The following SHANK2 variants were observed in gnomAD, a reference collection of about 807,000 sequenced individuals.
SHANK2 encodes the protein SH3 and multiple ankyrin repeat domains 2, also known as SH3 and multiple ankyrin repeat domains protein 2.
In SHANK2, 43 loss-of-function variants were observed where a neutral mutation model predicts 133.7. The observed-to-expected ratio is 0.32, with a 90% confidence interval of 0.25 to 0.41. SHANK2 has a LOEUF of 0.41. Ranked by LOEUF, SHANK2 falls within the 10% of genes least tolerant of loss-of-function variation. SHANK2 has a pLI of 1.00. For synonymous variants in SHANK2, 1,017 were observed against 952.8 expected (o/e 1.07, Z -1.24); for missense variants, 1,994 against 2,235.8 (o/e 0.89, Z 2.18).
Position 70,487,027 on chromosome 11 carries a change from C to T in SHANK2, c.3266G>A (p.Arg1089His), listed in dbSNP as rs781863842. 5 of 1,609,214 alleles carry T rather than the reference C, an allele frequency of 3.1e-6. No homozygotes were observed. The highest frequency in any genetic ancestry group is 4.2e-6 in the Non-Finnish European group (5 of 1,179,628). ...AAAIAGAVRD[R>H]EKRLEARRNS... ...CCTCCTGGCTTCCAGCCGCTTCTCA[C>T]GGTCGCGGACGGCTCCGGCGATGGC... Residue 1089 changes from arginine to histidine, a missense_variant, in exon 25 of 26, where the codon CGT (arginine) becomes CAT (histidine). Coordinates refer to ENST00000601538, the MANE Select transcript of SHANK2 (RefSeq NM_012309.5). This position sits in a 1 kb window ranked among gnomAD's most constrained non-coding sequence, Gnocchi z 5.8.
chr11:71,069,989 T>G (rs1565434690), intron 9 of SHANK2, among the ~76,000 whole-genome samples: 2 of 152,180 alleles, frequency 1.3e-5, no homozygotes, highest in Non-Finnish European at 2.9e-5. Flanking sequence ...CTCATACATG[T>G]GTAGACAAGG....
intron 17 of SHANK2, among the ~76,000 whole-genome samples, chr11:70,524,052 G>A (rs149261858): frequency 2.0e-5 from 3 of 152,318 alleles, no homozygotes; most frequent in Admixed American, 6.5e-5. Context: ...ACTGAGCACT[G>A]ACGACATGGC....
In SHANK2 at chr11:70,558,839, C is replaced by T. The variant is rs78317830; in HGVS notation, c.2062-55908G>A. 9.8e-3 allele frequency among the ~76,000 whole-genome samples: 1,496 copies of T among 152,272 alleles called. 32 individuals carry two copies. The highest frequency in any genetic ancestry group is 0.034 in the African/African-American group (1,400 of 41,544). Reference sequence around the variant, plus strand: ...AGGAGGGCTCCGGCTTCCTGGAGGACGTGAAAGAAAACAGCAGCACAGCTG... The same window carrying T: ...AGGAGGGCTCCGGCTTCCTGGAGGATGTGAAAGAAAACAGCAGCACAGCTG... On this transcript the variant is annotated intron_variant, in intron 17 of 25. Coordinates refer to ENST00000601538, the MANE Select transcript of SHANK2 (RefSeq NM_012309.5).
At chr11:70,879,315 C>T (rs1209965926) in intron 11 of SHANK2, among the ~76,000 whole-genome samples, 1 of 152,240 alleles carries the variant, frequency 6.6e-6, no homozygotes, top group Non-Finnish European at 1.5e-5. Flanking sequence ...GAAACCTTTC[C>T]TCTGTGCAAT....
chr11:71,067,119 C>T (rs960909357), intron 9 of SHANK2, among the ~76,000 whole-genome samples: 15 of 152,084 alleles, frequency 9.9e-5, no homozygotes, highest in Admixed American at 5.2e-4. Flanking sequence ...CGTGTGGACA[C>T]CGTCGCCATT....
At chr11:70,566,250 G>A (rs962402056) in intron 17 of SHANK2, 1 of 152,114 alleles carries the variant, frequency 6.6e-6, no homozygotes, top group African/African-American at 2.4e-5. Context: ...GATTTGGGTG[G>A]GGACAAAGCC....
intron 14 of SHANK2, among the ~76,000 whole-genome samples, chr11:70,703,314 C>T (rs782623536): frequency 3.3e-5 from 5 of 152,224 alleles, no homozygotes; most frequent in African/African-American, 1.2e-4. Context: ...GTGCAGCCTC[C>T]GGGGGTAGTA....
chr11:71,216,365 A>G (rs1555119884), intron 2 of SHANK2, among the ~76,000 whole-genome samples: 1 of 152,220 alleles, frequency 6.6e-6, no homozygotes, highest in African/African-American at 2.4e-5. Flanking sequence ...AGATGGACAC[A>G]AAGGTCATGT....
intron 17 of SHANK2, among the ~76,000 whole-genome samples, chr11:70,605,681 C>T (rs1237731718): frequency 3.3e-5 from 5 of 152,202 alleles, no homozygotes; most frequent in East Asian, 1.9e-4. Flanking sequence ...GGACGAGGAA[C>T]GCAGAGCTCA....
At chr11:71,064,620 G>A (rs1951025505) in intron 9 of SHANK2, among the ~76,000 whole-genome samples, 1 of 152,054 alleles carries the variant, frequency 6.6e-6, no homozygotes, top group Non-Finnish European at 1.5e-5. Context: ...CATAGTCCCA[G>A]GGAGAGACAG....
At chr11:70,497,098 TAG>T (rs1491431610) in intron 21 of SHANK2, 1 of 453,002 alleles carries the variant, frequency 2.2e-6, no homozygotes, top group Non-Finnish European at 4.4e-6. Flanking sequence ...GTTTTTAAGT[TAG>T]AGTTAGTGTA....
intron 2 of SHANK2, among the ~76,000 whole-genome samples, chr11:71,186,721 A>T (rs1327525847): frequency 6.6e-6 from 1 of 152,220 alleles, no homozygotes; most frequent in Non-Finnish European, 1.5e-5. Context: ...GACTTGGTTA[A>T]CTTTTCGGGT....
At chr11:70,836,371 C>T (rs2135414601) in intron 11 of SHANK2, among the ~76,000 whole-genome samples, 1 of 152,334 alleles carries the variant, frequency 6.6e-6, no homozygotes, top group African/African-American at 2.4e-5. Context: ...CCTGTCCGAG[C>T]CTGAGCCTGC....
At chr11:70,934,411 C>T (rs1950543920) in intron 10 of SHANK2, among the ~76,000 whole-genome samples, 1 of 152,130 alleles carries the variant, frequency 6.6e-6, no homozygotes, top group South Asian at 2.1e-4. Context: ...TCCTAAACAG[C>T]CCAGCCCCGC....
In SHANK2 at chr11:70,873,318, C is replaced by G. The variant is rs201594187; in HGVS notation, c.1174+23183G>C. ...GAGGGCAGGTGAGAGCTGACAAGGT[C>G]GAGACTTGCAGGGCTTCCAGGAATC... On this transcript the variant is annotated intron_variant, in intron 11 of 25. Coordinates refer to ENST00000601538, the MANE Select transcript of SHANK2 (RefSeq NM_012309.5). Among the ~76,000 whole-genome samples, 4 of 152,190 alleles carry G rather than the reference C, an allele frequency of 2.6e-5. No individual in the cohort carries two copies. In the East Asian group the frequency reaches 5.8e-4, roughly 22 times the overall value.
At chr11:70,602,230 G>A (rs1346389662) in intron 17 of SHANK2, among the ~76,000 whole-genome samples, 1 of 152,188 alleles carries the variant, frequency 6.6e-6, no homozygotes, top group Non-Finnish European at 1.5e-5. Context: ...CAGGCACCAT[G>A]CTTCTTGTAC....
At chr11:70,576,523 G>A (rs1320951462) in intron 17 of SHANK2, among the ~76,000 whole-genome samples, 1 of 152,204 alleles carries the variant, frequency 6.6e-6, no homozygotes, top group Non-Finnish European at 1.5e-5. Context: ...TGCAGTCCCA[G>A]CTACTGGGGA....
At chr11:71,136,739 G>A (rs1287231048) in intron 3 of SHANK2, among the ~76,000 whole-genome samples, 11 of 152,316 alleles carry the variant, frequency 7.2e-5, no homozygotes, top group South Asian at 4.1e-4. Flanking sequence ...CTTCCTGGTC[G>A]TCAGGGGCTG....
chr11:71,118,065 C>T (rs1555100702), intron 4 of SHANK2, among the ~76,000 whole-genome samples: 3 of 152,062 alleles, frequency 2.0e-5, no homozygotes, highest in African/African-American at 4.8e-5. Flanking sequence ...AAATACACCA[C>T]CCATTAGGCG....
Sources: gnomAD v4.1 joint callset for allele counts (sites outside exome capture counted in the v4.1 genomes callset) on GRCh38, gnomAD v4.1.1 for gene constraint, Gnocchi (gnomAD v3.1) non-coding constraint, MANE v1.5 for transcripts, NCBI Gene and HGNC (gene_info 2026-07-23, HGNC 2026-07-21) for gene names.